EVI5: variants seen among roughly 807,000 people sequenced by gnomAD.
The protein encoded by EVI5 is ecotropic viral integration site 5.
EVI5 carries 73 observed loss-of-function variants against 112.0 expected under a neutral mutation model. That is an observed-to-expected ratio of 0.65 (90% confidence interval 0.54 to 0.79). The LOEUF is 0.79. EVI5 is among the 30% of genes least tolerant of loss of function. The pLI is 0.00. For synonymous variants in EVI5, 305 were observed against 319.9 expected, an observed-to-expected ratio of 0.95 and a Z score of 0.50; for missense variants, 900 against 968.8, an observed-to-expected ratio of 0.93 and a Z score of 0.94.
chr1:92,608,240 T>C (rs1650908751), intron 16 of EVI5, among the ~76,000 whole-genome samples: 1 of 152,140 alleles, frequency 6.6e-6, no homozygotes, highest in Non-Finnish European at 1.5e-5. Context: ...ACTCTCAATA[T>C]AGCTCAATAT....
chr1:92,607,916 C>A (rs573554239), intron 16 of EVI5, among the ~76,000 whole-genome samples, 189 bp from the exon 17 acceptor site: 3 of 151,860 alleles, frequency 2.0e-5, no homozygotes, highest in Middle Eastern at 6.8e-3. Flanking sequence ...AAGGCTGAGG[C>A]GGGCGGATCA....
intron 16 of EVI5, among the ~76,000 whole-genome samples, chr1:92,610,828 A>C (rs1238779714): frequency 1.3e-5 from 2 of 152,176 alleles, no homozygotes; most frequent in African/African-American, 4.8e-5. Flanking sequence ...AAGAGATGGT[A>C]ACAGTTGAGA....
rs1452151700 is a variant in EVI5 at position 92,545,036 on chromosome 1, T to C, written c.2166+18606A>G. 2.0e-5 allele frequency among the ~76,000 whole-genome samples: 3 copies of C among 152,198 alleles called. No homozygotes were observed. The East Asian group carries it at 5.8e-4, about 29-fold the overall frequency. Reference sequence around the variant, plus strand: ...CGTGTCCACCTGCATCTGTAAGATATGGTTCATAAGAAGCACATGATTTAC... The same window carrying C: ...CGTGTCCACCTGCATCTGTAAGATACGGTTCATAAGAAGCACATGATTTAC... On this transcript the variant is annotated intron_variant, in intron 19 of 19. Transcript: ENST00000684568.
intron 2 of EVI5, among the ~76,000 whole-genome samples, chr1:92,725,858 T>C (rs1172085468): frequency 1.3e-5 from 2 of 152,184 alleles, no homozygotes; most frequent in Non-Finnish European, 2.9e-5. Flanking sequence ...TTAAAAGTTA[T>C]TATAACTGTA....
chr1:92,707,620 G>A (rs72724586), intron 2 of EVI5, among the ~76,000 whole-genome samples: 30,371 of 152,088 alleles, frequency 0.2, 3,537 homozygotes, highest in Non-Finnish European at 0.26. Flanking sequence ...ATATTAGAAT[G>A]GCTACAATTC....
chr1:92,704,640 T>C lies in EVI5; in HGVS notation c.254A>G (p.His85Arg). The C allele has an allele frequency of 1.9e-6, 3 of 1,605,328 alleles. No individual in the cohort carries two copies. The highest frequency in any genetic ancestry group is 2.6e-6 in the Non-Finnish European group (3 of 1,174,380). Reference protein sequence around the residue: ...SSSSASSNLSHLEEDSWILWG... With the variant: ...SSSSASSNLSRLEEDSWILWG... ...AAGAATCCAAGAATCTTCTTCAAGG[T>C]GACTGAGGTTGCTAGAGGCTGATGA... Residue 85 changes from histidine to arginine, a missense_variant, in exon 3 of 20, where the codon CAC becomes CGC. Physicochemically the swap from His to Arg is conservative, Grantham distance 29 (BLOSUM62 0). Coordinates refer to ENST00000684568, the MANE Select transcript of EVI5 (RefSeq NM_001350197.2).
rs72966719 is a variant in EVI5, at chr1:92,621,090, G to A, written c.1827+3086C>T. 2.7e-3 allele frequency among the ~76,000 whole-genome samples: 414 copies of A among 151,822 alleles called. 1 individual carries two copies. Among genetic ancestry groups the A allele is most frequent in the African/African-American group, 8.9e-3 (369 of 41,438 alleles). ...TGGAACAACCACTAAAAAAACTCTT[G>A]AAAGATGTATAAATAAATAAGTCAA... On this transcript the variant is annotated intron_variant, in intron 16 of 19. Transcript: ENST00000684568.
intron 16 of EVI5, among the ~76,000 whole-genome samples, chr1:92,608,445 T>C (rs1650958331): frequency 6.6e-6 from 1 of 152,126 alleles, no homozygotes; most frequent in Non-Finnish European, 1.5e-5. Context: ...GTGGCTCATG[T>C]CTAATCCCAG....
At chr1:92,610,700 A>G (rs185156049) in intron 16 of EVI5, among the ~76,000 whole-genome samples, 325 of 152,328 alleles carry the variant, frequency 2.1e-3, no homozygotes, top group African/African-American at 7.4e-3. Context: ...GCTATACTGA[A>G]GAAATAATTA....
chr1:92,774,834 A>G (rs1032479106), intron 1 of EVI5, among the ~76,000 whole-genome samples: 1 of 152,194 alleles, frequency 6.6e-6, no homozygotes, highest in Non-Finnish European at 1.5e-5. Context: ...AAGCAGAGAA[A>G]GCTCTCTTGA....
intron 19 of EVI5, among the ~76,000 whole-genome samples, chr1:92,538,034 AAACTTAC>A (rs1464308968): frequency 6.6e-6 from 1 of 152,204 alleles, no homozygotes; most frequent in African/African-American, 2.4e-5. Context: ...GGAATAGAAG[AAACTTAC>A]AACTGCACAC....
chr1:92,540,286 C>A (rs978744098), intron 19 of EVI5, among the ~76,000 whole-genome samples: 1 of 152,136 alleles, frequency 6.6e-6, no homozygotes, highest in African/African-American at 2.4e-5. Context: ...AGTGGCTGTA[C>A]CATTTTACCT....
In EVI5 at chr1:92,740,154, G is replaced by C. The variant is rs1678132180; in HGVS notation, c.-81-3527C>G. ...ATCTGTTTACTGAATGAACACATGA[G>C]ATGATTTTAAAATATAGTTACCATT... On this transcript the variant is annotated intron_variant, in intron 1 of 19. Transcript: ENST00000684568. Among the ~76,000 whole-genome samples, 3 of 152,220 alleles carry C rather than the reference G, an allele frequency of 2.0e-5. No homozygotes were observed. The South Asian group carries it at 6.2e-4, about 32-fold the overall frequency.
chr1:92,638,911 AT>A (rs1659404916), intron 13 of EVI5, among the ~76,000 whole-genome samples: 1 of 152,156 alleles, frequency 6.6e-6, no homozygotes, highest in Non-Finnish European at 1.5e-5. Context: ...TCTAAAAAAA[AT>A]CTAAGCATAT....
chr1:92,636,023 G>C (rs1658753278), intron 14 of EVI5, among the ~76,000 whole-genome samples, 179 bp downstream of exon 14: 1 of 152,082 alleles, frequency 6.6e-6, no homozygotes, highest in African/African-American at 2.4e-5. Context: ...TTAGTATGAA[G>C]GCAACAAGGA....
At chr1:92,561,598 T>TC (rs1668577857) in intron 19 of EVI5, among the ~76,000 whole-genome samples, 3 of 147,372 alleles carry the variant, frequency 2.0e-5, no homozygotes, top group Admixed American at 6.9e-5. Flanking sequence ...TATCTATCTA[T>TC]CTAATCTATC....
At chr1:92,627,932 G>A (rs889794068) in intron 14 of EVI5, among the ~76,000 whole-genome samples, 7 of 152,064 alleles carry the variant, frequency 4.6e-5, no homozygotes, top group Non-Finnish European at 7.4e-5. Context: ...GGGATTACAG[G>A]CGCCGGCCAC....
chr1:92,684,944 A>G (rs1450492731), intron 9 of EVI5, among the ~76,000 whole-genome samples: 1 of 152,100 alleles, frequency 6.6e-6, no homozygotes, highest in Non-Finnish European at 1.5e-5. Flanking sequence ...AGACTCCTAC[A>G]CAATAATAAT....
intron 13 of EVI5, among the ~76,000 whole-genome samples, chr1:92,650,767 A>T (rs571438114): frequency 3.3e-5 from 5 of 151,976 alleles, no homozygotes; most frequent in Admixed American, 3.3e-4. Context: ...CTAATTATAT[A>T]TTTTTCTCTA....
Sources: gnomAD v4.1 joint callset for allele counts (sites outside exome capture counted in the v4.1 genomes callset) on GRCh38, gnomAD v4.1.1 for gene constraint, MANE v1.5 for transcripts, NCBI Gene and HGNC (gene_info 2026-07-23, HGNC 2026-07-21) for gene names.